The following ALG9 variants were observed in gnomAD, a reference collection of about 807,000 sequenced individuals.
The protein encoded by ALG9 is alpha-1,2-mannosyltransferase ALG9.
In ALG9, 55 loss-of-function variants were observed where a neutral mutation model predicts 81.8. The ratio of observed to expected loss-of-function variants is 0.67; its 90% CI spans 0.54 to 0.84. The LOEUF is 0.84. Among genes scored for constraint, ALG9 ranks in the 40% least tolerant of loss-of-function variants. ALG9 has a pLI of 0.00. For synonymous variants in ALG9, 278 were observed against 274.3 expected (o/e 1.01, Z -0.13); for missense variants, 629 against 745.0 (o/e 0.84, Z 1.81).
chr11:111,794,674 A>T (rs982223038), intron 14 of ALG9, among the ~76,000 whole-genome samples: 1 of 151,600 alleles, frequency 6.6e-6, no homozygotes, highest in South Asian at 2.1e-4. Context: ...CTATCTATCC[A>T]TCCATCCATC....
intron 13 of ALG9, among the ~76,000 whole-genome samples, chr11:111,818,531 T>TC (rs1345502613): frequency 6.6e-6 from 1 of 152,196 alleles, no homozygotes; most frequent in Non-Finnish European, 1.5e-5. Context: ...TTCCCTGTTG[T>TC]CCCCTCATAA....
rs556991498 is a variant in ALG9, at chr11:111,836,584, T to C, written c.1473-290A>G. 1.1e-3 allele frequency: 437 copies of C among 390,104 alleles called. 8 individuals are homozygous for C. The highest frequency in any genetic ancestry group is 6.9e-3 in the South Asian group (313 of 45,666). The allele number at this position is 390,104 out of a possible 1,614,324, so 24.2% of individuals were successfully genotyped here. ...ACCAGAGAAGTGCCAATGCTTATTGTCAATTACTATGTGGGCAGAGAGACT... is the reference window on the plus strand; with the variant it reads ...ACCAGAGAAGTGCCAATGCTTATTGCCAATTACTATGTGGGCAGAGAGACT... On this transcript the variant is annotated intron_variant, in intron 12 of 14. Transcript: ENST00000616540.
chr11:111,821,394 T>C (rs1411947671), intron 13 of ALG9, among the ~76,000 whole-genome samples: 1 of 152,216 alleles, frequency 6.6e-6, no homozygotes, highest in Non-Finnish European at 1.5e-5. Flanking sequence ...CCCCAACCCC[T>C]GGGGCCTCCT....
At chr11:111,791,443 A>G (rs1398537495) in intron 14 of ALG9, among the ~76,000 whole-genome samples, 1 of 152,234 alleles carries the variant, frequency 6.6e-6, no homozygotes, top group Non-Finnish European at 1.5e-5. Flanking sequence ...ATTCCAAGGT[A>G]CGCTAAGCAG....
chr11:111,806,401 G>C lies in ALG9; in HGVS notation c.1733+3242C>G, dbSNP rs192669699. On this transcript the variant is annotated intron_variant, in intron 14 of 14. Transcript: ENST00000616540. ...CCTTTACCAGTTGCCAATTCTAATG[G>C]ACAGTTGTTATTCTTCATTTTACTT... Among the ~76,000 whole-genome samples the C allele has an allele frequency of 6.6e-3, 1,000 of 152,180 alleles. 6 individuals are homozygous for C. Among genetic ancestry groups the C allele is most frequent in the Middle Eastern group, 0.051 (15 of 294 alleles).
At chr11:111,769,694 A>G in the ALG9 span, among the ~76,000 whole-genome samples, 2 of 152,174 alleles carry the variant, frequency 1.3e-5, no homozygotes, top group African/African-American at 4.8e-5. Flanking sequence ...TCAGTTCCAC[A>G]GTACTGTTTT....
intron 2 of ALG9, 55 bp from the exon 3 acceptor site, chr11:111,868,791 A>C: frequency 6.7e-7 from 1 of 1,484,778 alleles, no homozygotes; most frequent in South Asian, 1.4e-5. Context: ...ATCTCTGTTA[A>C]GCAGATGCAA....
chr11:111,867,711 T>G (rs992296879), intron 3 of ALG9, among the ~76,000 whole-genome samples: 1 of 152,210 alleles, frequency 6.6e-6, no homozygotes, highest in Non-Finnish European at 1.5e-5. Flanking sequence ...TCATTTTCAG[T>G]TGAAAGCTGG....
At chr11:111,828,841 T>G (rs1204634949) in intron 13 of ALG9, 1 of 152,206 alleles carries the variant, frequency 6.6e-6, no homozygotes, top group African/African-American at 2.4e-5. Context: ...CAAAATCACT[T>G]ACAGTCCTCC....
the ALG9 span, among the ~76,000 whole-genome samples, chr11:111,775,351 C>T: frequency 6.6e-6 from 1 of 152,198 alleles, no homozygotes. Flanking sequence ...CCAAGATCCC[C>T]TGGACACGAA....
chr11:111,840,875 T>G, intron 9 of ALG9, 66 bp from the exon 10 acceptor site: 1 of 1,592,416 alleles, frequency 6.3e-7, no homozygotes, highest in Non-Finnish European at 8.6e-7. Context: ...TTAGTTTTAG[T>G]GTTATCTTGA....
intron 14 of ALG9, among the ~76,000 whole-genome samples, chr11:111,791,406 C>G (rs1947386578): frequency 6.6e-6 from 1 of 152,184 alleles, no homozygotes; most frequent in South Asian, 2.1e-4. Context: ...AAACATGTAG[C>G]ACATCATTTC....
At chr11:111,835,874 C>T (rs1300386407) in intron 13 of ALG9, among the ~76,000 whole-genome samples, 1 of 152,132 alleles carries the variant, frequency 6.6e-6, no homozygotes, top group African/African-American at 2.4e-5. Context: ...CCTCAGCCTT[C>T]TGAAAGGCTG....
chr11:111,841,204 G>A (rs1434069654), intron 9 of ALG9, among the ~76,000 whole-genome samples: 2 of 152,256 alleles, frequency 1.3e-5, no homozygotes, highest in Middle Eastern at 3.4e-3. Flanking sequence ...CATTTCTGGG[G>A]TTTTAATTCC....
chr11:111,856,645 A>G (rs1781779160), intron 6 of ALG9, among the ~76,000 whole-genome samples: 1 of 149,898 alleles, frequency 6.7e-6, no homozygotes, highest in Non-Finnish European at 1.5e-5. Flanking sequence ...TTTTTTTTAC[A>G]ATAAAGATAT....
At chr11:111,809,228 A>G (rs1555088493) in intron 14 of ALG9, among the ~76,000 whole-genome samples, 1 of 152,176 alleles carries the variant, frequency 6.6e-6, no homozygotes, top group African/African-American at 2.4e-5. Context: ...AACTGGGCCC[A>G]AATAAAAAGA....
intron 13 of ALG9, among the ~76,000 whole-genome samples, chr11:111,810,745 C>A (rs1427180497): frequency 6.6e-6 from 1 of 152,014 alleles, no homozygotes; most frequent in African/African-American, 2.4e-5. Context: ...AAAAGAGAGA[C>A]CTGCTTCAAA....
chr11:111,788,707 C>T, intron 14 of ALG9: 1 of 332,334 alleles, frequency 3.0e-6, no homozygotes, highest in Non-Finnish European at 5.9e-6. Context: ...GAGCTGTGAT[C>T]ATGCCACTAC....
At chr11:111,809,029 C>G (rs1950317807) in intron 14 of ALG9, among the ~76,000 whole-genome samples, 2 of 152,224 alleles carry the variant, frequency 1.3e-5, no homozygotes, top group Non-Finnish European at 2.9e-5. Context: ...CATAGTCAAT[C>G]TTCCTAACAG....
Sources: gnomAD v4.1 joint callset for allele counts (sites outside exome capture counted in the v4.1 genomes callset) on GRCh38, gnomAD v4.1.1 for gene constraint, MANE v1.5 for transcripts, NCBI Gene and HGNC (gene_info 2026-07-23, HGNC 2026-07-21) for gene names.